PTPRD: variants seen among roughly 807,000 people sequenced by gnomAD.
PTPRD encodes protein tyrosine phosphatase receptor type D.
Under a neutral mutation model 214.5 loss-of-function variants are expected in PTPRD, and 34 were observed. The observed-to-expected ratio is 0.16, with a 90% CI of 0.12 to 0.21. The LOEUF (loss-of-function observed/expected upper bound fraction) is 0.21, where lower values mean the gene tolerates loss of function less well. Among genes scored for constraint, PTPRD ranks in the 10% least tolerant of loss-of-function variants. PTPRD has a pLI of 1.00. For synonymous variants in PTPRD, 1,128 were observed against 845.7 expected, an observed-to-expected ratio of 1.33 and a Z score of -5.79; for missense variants, 2,545 against 2,398.7, an observed-to-expected ratio of 1.06 and a Z score of -1.27.
intron 11 of PTPRD, among the ~76,000 whole-genome samples, chr9:8,784,833 C>T (rs1049205565): frequency 3.3e-5 from 5 of 152,186 alleles, no homozygotes; most frequent in Non-Finnish European, 7.3e-5. Context: ...TTTCTCTATA[C>T]TGCCTCCATA....
chr9:8,648,557 T>C (rs12342527), intron 12 of PTPRD, among the ~76,000 whole-genome samples: 81 of 152,358 alleles, frequency 5.3e-4, no homozygotes, highest in African/African-American at 1.9e-3. Flanking sequence ...CTTAACATCT[T>C]CCACATTAAG....
intron 23 of PTPRD, among the ~76,000 whole-genome samples, chr9:8,503,312 T>C (rs1011389499): frequency 6.6e-6 from 1 of 152,152 alleles, no homozygotes; most frequent in African/African-American, 2.4e-5. Flanking sequence ...GAGCATCTTC[T>C]TGACAAAATT....
chr9:10,238,078 A>T (rs1279672889), intron 3 of PTPRD, among the ~76,000 whole-genome samples: 1 of 151,782 alleles, frequency 6.6e-6, no homozygotes, highest in African/African-American at 2.4e-5. Flanking sequence ...GAAAACAACG[A>T]AATAGAGCCA....
At chr9:8,425,017 C>T (rs1535675) in intron 35 of PTPRD, among the ~76,000 whole-genome samples, 77,501 of 152,036 alleles carry the variant, frequency 0.51, 20,180 homozygotes, top group East Asian at 0.74. Flanking sequence ...CTTTCATCTA[C>T]ACTCCCAAAG....
At chr9:9,763,039 AAG>A (rs1342888250) in intron 6 of PTPRD, among the ~76,000 whole-genome samples, 2 of 152,134 alleles carry the variant, frequency 1.3e-5, no homozygotes, top group East Asian at 1.9e-4. Context: ...CAGAGAGGGA[AAG>A]AGAGAGCGAT....
chr9:9,878,125 A>G (rs1019778716), intron 5 of PTPRD, among the ~76,000 whole-genome samples: 2 of 152,186 alleles, frequency 1.3e-5, no homozygotes. Flanking sequence ...ACCTCTTCTC[A>G]GGACATCCAG....
chr9:8,855,648 T>G (rs2097902505), intron 11 of PTPRD, among the ~76,000 whole-genome samples: 1 of 152,162 alleles, frequency 6.6e-6, no homozygotes, highest in South Asian at 2.1e-4. Flanking sequence ...TAAAATAAGA[T>G]ACAGATAAAA....
At position 9,015,471 on chromosome 9, in the gene PTPRD, G is replaced by A. The variant is rs147427653; in HGVS notation, c.-104+3226C>T. 2.5e-3 allele frequency among the ~76,000 whole-genome samples: 378 copies of A among 152,228 alleles called. 3 individuals are homozygous for A. Among genetic ancestry groups the A allele is most frequent in the Non-Finnish European group, 4.4e-3 (298 of 68,022 alleles). On this transcript the variant is annotated intron_variant, in intron 11 of 45. Coordinates refer to ENST00000381196, the MANE Select transcript of PTPRD (RefSeq NM_002839.4). ...AGTTACCCTACATTGTCTGAAAAGGGGAGGCATGAATAATCCACTCCTTGT... is the reference window on the plus strand; with the variant it reads ...AGTTACCCTACATTGTCTGAAAAGGAGAGGCATGAATAATCCACTCCTTGT...
At chr9:9,921,819 T>C (rs184670538) in intron 5 of PTPRD, among the ~76,000 whole-genome samples, 1 of 151,916 alleles carries the variant, frequency 6.6e-6, no homozygotes, top group Admixed American at 6.6e-5. Context: ...ATATTATGTG[T>C]CCCACACTGT....
intron 4 of PTPRD, among the ~76,000 whole-genome samples, chr9:10,005,128 C>A (rs2096445158): frequency 1.3e-5 from 2 of 151,972 alleles, no homozygotes. Flanking sequence ...TTTTTCAGCC[C>A]ATTTAAAGGT....
chr9:10,512,664 G>A (rs1489852879), intron 2 of PTPRD, among the ~76,000 whole-genome samples: 1 of 152,068 alleles, frequency 6.6e-6, no homozygotes, highest in Non-Finnish European at 1.5e-5. Flanking sequence ...TTGTTGAGAG[G>A]GAAGGAGGAA....
At chr9:9,492,720 A>G (rs1268652324) in intron 8 of PTPRD, among the ~76,000 whole-genome samples, 2 of 146,840 alleles carry the variant, frequency 1.4e-5, no homozygotes, top group Non-Finnish European at 3.0e-5. Context: ...CACTTCACAG[A>G]TTTTTTTTTT....
At position 9,024,335 on chromosome 9, in the gene PTPRD, T is replaced by TTAG. The variant is rs1486858714; in HGVS notation, c.-142-5601_-142-5600insCTA. Among the ~76,000 whole-genome samples, 240 of 66,614 alleles carry TTAG rather than the reference T, an allele frequency of 3.6e-3. 3 individuals are homozygous for TTAG. Among genetic ancestry groups the TTAG allele is most frequent in the South Asian group, 0.013 (21 of 1,560 alleles). 43.7% of individuals were successfully genotyped at this position (66,614 alleles called of 152,430 possible). A position where few individuals can be genotyped will look rare whatever the true frequency, so the allele number is the denominator to read the frequency against. On this transcript the variant is annotated intron_variant, in intron 10 of 45. Transcript: ENST00000381196. ...CTGTCGAAAAGGCTATTGTCGATTC[T>TTAG]TTGTTTTTTTTTGTTTGTTTTTTTT...
chr9:10,467,532 G>A (rs1044056945), intron 2 of PTPRD, among the ~76,000 whole-genome samples: 1 of 152,130 alleles, frequency 6.6e-6, no homozygotes, highest in Admixed American at 6.5e-5. Flanking sequence ...AGGGGAAACT[G>A]CATGCACACA....
chr9:9,331,882 T>C (rs188939816), intron 9 of PTPRD, among the ~76,000 whole-genome samples: 3 of 152,040 alleles, frequency 2.0e-5, no homozygotes, highest in African/African-American at 7.2e-5. Context: ...CATGTTGATA[T>C]GCCCAACATA....
intron 2 of PTPRD, among the ~76,000 whole-genome samples, chr9:10,487,965 A>ACTCTCT (rs2099143374): frequency 1.9e-5 from 1 of 51,662 alleles, no homozygotes; most frequent in African/African-American, 7.4e-5. Context: ...AAATGAACAC[A>ACTCTCT]GTCTCTCTCT....
intron 7 of PTPRD, among the ~76,000 whole-genome samples, chr9:9,714,707 T>G (rs777795460): frequency 9.9e-5 from 15 of 152,176 alleles, no homozygotes; most frequent in Non-Finnish European, 2.2e-4. Context: ...CTGATCATAC[T>G]GATAGCTGTG....
chr9:10,090,919 TACACACACACAC>T (rs1162698970), intron 3 of PTPRD, among the ~76,000 whole-genome samples: 10 of 99,676 alleles, frequency 1.0e-4, no homozygotes, highest in South Asian at 6.2e-4. Flanking sequence ...AAATGAAATA[TACACACACACAC>T]ACACACACAC....
At chr9:9,949,220 A>G (rs2093168819) in intron 4 of PTPRD, among the ~76,000 whole-genome samples, 1 of 152,012 alleles carries the variant, frequency 6.6e-6, no homozygotes, top group Non-Finnish European at 1.5e-5. Flanking sequence ...CATTTTTTAT[A>G]TTTTCCACAA....
Sources: allele counts gnomAD v4.1 joint callset (sites outside exome capture counted in the v4.1 genomes callset), GRCh38; gene constraint gnomAD v4.1.1; transcripts MANE v1.5; gene names NCBI Gene and HGNC (gene_info 2026-07-23, HGNC 2026-07-21).